Variants in NEDD9 observed in about 807,000 individuals in gnomAD.
NEDD9 encodes neural precursor cell expressed, developmentally down-regulated 9, also known as enhancer of filamentation 1.
NEDD9 carries 26 observed loss-of-function variants against 76.6 expected under a neutral mutation model. The observed-to-expected ratio is 0.34, with a 90% CI of 0.25 to 0.47. NEDD9 has a LOEUF of 0.47. NEDD9 is among the 20% of genes least tolerant of loss of function. The pLI, the probability that NEDD9 is intolerant of heterozygous loss-of-function variation, is 1.00. For missense variants in NEDD9, 937 were observed against 1,058.5 expected, an observed-to-expected ratio of 0.89 and a Z score of 1.59; for synonymous variants, 392 against 414.2, an observed-to-expected ratio of 0.95 and a Z score of 0.65.
intron 5 of NEDD9, among the ~76,000 whole-genome samples, chr6:11,189,423 ATG>A (rs1310322981): frequency 3.3e-5 from 5 of 152,226 alleles, no homozygotes; most frequent in African/African-American, 1.2e-4. Flanking sequence ...TAAGTCTGAG[ATG>A]GGGCTAAGTT....
chr6:11,244,287 GCACA>G (rs142675895), intron 3 of NEDD9, among the ~76,000 whole-genome samples: 1 of 151,314 alleles, frequency 6.6e-6, no homozygotes, highest in Non-Finnish European at 1.5e-5. Flanking sequence ...GTGTGTGCAC[GCACA>G]CACACACATA....
intron 3 of NEDD9, among the ~76,000 whole-genome samples, chr6:11,284,228 G>A (rs1208184994): frequency 1.3e-5 from 2 of 151,946 alleles, no homozygotes; most frequent in Non-Finnish European, 2.9e-5. Context: ...AGAATGGAAT[G>A]TTCCTGTTCA....
intron 1 of NEDD9, among the ~76,000 whole-genome samples, chr6:11,362,911 G>A (rs144854969): frequency 5.9e-5 from 9 of 152,302 alleles, no homozygotes; most frequent in Non-Finnish European, 1.0e-4. Context: ...AACTAACAAT[G>A]CTAATGCTGA....
chr6:11,261,758 T>TA (rs1268648670), intron 3 of NEDD9, among the ~76,000 whole-genome samples: 1 of 152,190 alleles, frequency 6.6e-6, no homozygotes, highest in African/African-American at 2.4e-5. Context: ...ACCTTGTTTT[T>TA]ACCTTATTTT....
At chr6:11,272,862 T>C (rs1353750432) in intron 3 of NEDD9, among the ~76,000 whole-genome samples, 1 of 152,212 alleles carries the variant, frequency 6.6e-6, no homozygotes, top group East Asian at 1.9e-4. Flanking sequence ...TGTTTACCCA[T>C]ACAGATATTG....
intron 1 of NEDD9, chr6:11,214,299 G>T: frequency 2.1e-6 from 1 of 468,600 alleles, no homozygotes; most frequent in Non-Finnish European, 4.2e-6. Context: ...GATCCAGAGA[G>T]AATCCACAAG....
At chr6:11,312,020 A>G (rs2113441245) in intron 2 of NEDD9, among the ~76,000 whole-genome samples, 1 of 152,116 alleles carries the variant, frequency 6.6e-6, no homozygotes, top group South Asian at 2.1e-4. Context: ...TTCACCTCCC[A>G]TCATGGCACT....
rs182293816 is a variant in NEDD9, at chr6:11,321,291, G to C, written c.-153+13210C>G. On this transcript the variant is annotated intron_variant, in intron 2 of 3. Coordinates refer to the NEDD9 transcript ENST00000397378. ...TACAGCTTAACAAATAAAAGCGAAGGCCACCAGCAGCGATGGTTTGAGAGG... is the reference window on the plus strand; with the variant it reads ...TACAGCTTAACAAATAAAAGCGAAGCCCACCAGCAGCGATGGTTTGAGAGG... Among the ~76,000 whole-genome samples the C allele has an allele frequency of 1.4e-3, 215 of 152,246 alleles. 1 individual carries two copies. The highest frequency in any genetic ancestry group is 9.3e-3 in the South Asian group (45 of 4,824).
intron 1 of NEDD9, among the ~76,000 whole-genome samples, chr6:11,214,930 C>A (rs999227885): frequency 2.6e-5 from 4 of 152,122 alleles, no homozygotes; most frequent in Non-Finnish European, 4.4e-5. Flanking sequence ...ATGACATATT[C>A]GTGGGATTTT....
At position 11,185,608 on chromosome 6, in the gene NEDD9, A is replaced by G. The variant is rs1400290491; in HGVS notation, c.2059T>C (p.Trp687Arg). 9.3e-6 allele frequency: 15 copies of G among 1,614,098 alleles called. No individual in the cohort carries two copies. Among genetic ancestry groups the G allele is most frequent in the Non-Finnish European group, 1.1e-5 (13 of 1,180,046 alleles). Reference sequence around the variant, plus strand: ...GTGGGTAGGCTCTGAGAGGGCTTCCACTTCGAGATGTCATTCTCCACGGGC... The same window carrying G: ...GTGGGTAGGCTCTGAGAGGGCTTCCGCTTCGAGATGTCATTCTCCACGGGC... ...TKPVENDISK[W>R]KPSQSLPTTN... Residue 687 changes from tryptophan to arginine, a missense_variant, in exon 7 of 7, where the codon TGG (tryptophan) becomes CGG (arginine). Coordinates refer to ENST00000379446, the MANE Select transcript of NEDD9 (RefSeq NM_006403.4).
intron 1 of NEDD9, among the ~76,000 whole-genome samples, chr6:11,371,460 CT>C (rs1268921719): frequency 6.6e-6 from 1 of 152,196 alleles, no homozygotes; most frequent in Non-Finnish European, 1.5e-5. Context: ...CTGGGAACCC[CT>C]GATCTTTTTA....
intron 1 of NEDD9, among the ~76,000 whole-genome samples, chr6:11,346,345 C>T (rs1450294525): frequency 1.3e-5 from 2 of 152,146 alleles, no homozygotes; most frequent in Non-Finnish European, 2.9e-5. Context: ...ATGGTGGCAG[C>T]CCTTAACTGA....
intron 3 of NEDD9, among the ~76,000 whole-genome samples, chr6:11,246,453 C>G (rs1015978894): frequency 2.0e-5 from 3 of 152,182 alleles, no homozygotes; most frequent in African/African-American, 7.2e-5. Context: ...CCGGGCCCCA[C>G]CAGTTACCTG....
chr6:11,353,845 C>T (rs1223153760), intron 1 of NEDD9, among the ~76,000 whole-genome samples: 1 of 152,140 alleles, frequency 6.6e-6, no homozygotes, highest in African/African-American at 2.4e-5. Context: ...CCTAAAAAGG[C>T]CCAAGCCACC....
intron 2 of NEDD9, among the ~76,000 whole-genome samples, chr6:11,201,963 T>C (rs1758468129): frequency 6.6e-6 from 1 of 152,192 alleles, no homozygotes; most frequent in Non-Finnish European, 1.5e-5. Flanking sequence ...AGAGTACTAA[T>C]GTGTGGAGTC....
intron 2 of NEDD9, among the ~76,000 whole-genome samples, chr6:11,310,516 A>G (rs1761334684): frequency 6.6e-6 from 1 of 152,116 alleles, no homozygotes; most frequent in African/African-American, 2.4e-5. Flanking sequence ...AGATGGTGCC[A>G]CTGCAACCTC....
intron 2 of NEDD9, among the ~76,000 whole-genome samples, chr6:11,321,305 T>A (rs1432132059): frequency 6.6e-6 from 1 of 152,006 alleles, no homozygotes; most frequent in Non-Finnish European, 1.5e-5. Flanking sequence ...CCAGCAGCGA[T>A]GGTTTGAGAG....
At chr6:11,328,044 A>G (rs1761964918) in intron 2 of NEDD9, among the ~76,000 whole-genome samples, 1 of 152,270 alleles carries the variant, frequency 6.6e-6, no homozygotes, top group South Asian at 2.1e-4. Flanking sequence ...AGAATCAAAG[A>G]GTGAAATAAA....
intron 2 of NEDD9, among the ~76,000 whole-genome samples, chr6:11,307,342 G>A (rs1034598201): frequency 2.0e-5 from 3 of 152,066 alleles, no homozygotes; most frequent in Non-Finnish European, 4.4e-5. Flanking sequence ...CTAAGAGGGG[G>A]GAAAAAGGAA....
Sources: allele counts gnomAD v4.1 joint callset (sites outside exome capture counted in the v4.1 genomes callset), GRCh38; gene constraint gnomAD v4.1.1; transcripts MANE v1.5; gene names NCBI Gene and HGNC (gene_info 2026-07-23, HGNC 2026-07-21).